Variants in FAIM observed in about 807,000 individuals in gnomAD.
FAIM encodes the protein fas apoptotic inhibitory molecule 1.
In FAIM, 14 loss-of-function variants were observed where a neutral mutation model predicts 21.2. The ratio of observed to expected loss-of-function variants is 0.66; its 90% confidence interval spans 0.44 to 1.03. The LOEUF is 1.03. FAIM is among the 50% of genes least tolerant of loss of function. The pLI, the probability that FAIM is intolerant of heterozygous loss-of-function variation, is 0.00. For missense variants in FAIM, 222 were observed against 247.1 expected, an observed-to-expected ratio of 0.90 and a Z score of 0.68; for synonymous variants, 86 against 80.4, an observed-to-expected ratio of 1.07 and a Z score of -0.37.
At chr3:138,611,932 C>A (rs2108332428) in intron 1 of FAIM, among the ~76,000 whole-genome samples, 1 of 152,258 alleles carries the variant, frequency 6.6e-6, no homozygotes, top group South Asian at 2.1e-4. Flanking sequence ...ATAAATTATG[C>A]AACCTCGGGT....
At chr3:138,626,921 T>C (rs1163051965) in intron 4 of FAIM, among the ~76,000 whole-genome samples, 2 of 152,194 alleles carry the variant, frequency 1.3e-5, no homozygotes, top group Admixed American at 6.5e-5. Context: ...GTTGTTTTTG[T>C]CTTTTTCATA....
Position 138,621,387 on chromosome 3 carries a change from G to T in FAIM, c.45-20G>T. The T allele has an allele frequency of 6.2e-7, 1 of 1,611,234 alleles. No homozygotes were observed. Among genetic ancestry groups the T allele is most frequent in the South Asian group, 1.1e-5 (1 of 90,628 alleles). ...ATTAGTATTTTGGCCTACTATAATTGCTTTATTTTATTCCTTTAGCCCTCC... is the reference window on the plus strand; with the variant it reads ...ATTAGTATTTTGGCCTACTATAATTTCTTTATTTTATTCCTTTAGCCCTCC... On this transcript the variant is annotated intron_variant, in intron 2 of 5. Transcript: ENST00000360570.
At chr3:138,612,772 A>G (rs67390774) in intron 1 of FAIM, among the ~76,000 whole-genome samples, 6,454 of 152,244 alleles carry the variant, frequency 0.042, 460 homozygotes, top group East Asian at 0.37. Context: ...TTGTATGACA[A>G]CTTCACCATT....
At chr3:138,629,318 C>T (rs2042977340) in intron 5 of FAIM, 162 bp downstream of exon 5, 6 of 536,958 alleles carry the variant, frequency 1.1e-5, no homozygotes, top group Admixed American at 3.7e-5. Context: ...AAAACCTTTG[C>T]CAGATGGTGC....
At position 138,615,595 on chromosome 3, in the gene FAIM, C is replaced by T. The variant is rs1206366753; in HGVS notation, c.-16-4116C>T. On this transcript the variant is annotated intron_variant, in intron 1 of 5. Transcript: ENST00000360570. ...TTCATGTTTACTTCCTTTCAGACCT[C>T]TAACCTAAATCTCTATTTTATTTCA... 7.9e-5 allele frequency among the ~76,000 whole-genome samples: 12 copies of T among 152,270 alleles called. No individual in the cohort carries two copies. In the East Asian group the frequency reaches 2.1e-3, roughly 27 times the overall value.
At chr3:138,610,085 T>C (rs2042751475) in intron 1 of FAIM, among the ~76,000 whole-genome samples, 1 of 152,192 alleles carries the variant, frequency 6.6e-6, no homozygotes, top group South Asian at 2.1e-4. Context: ...CATTATTGGC[T>C]GGCCCTACCT....
chr3:138,609,577 G>T (rs1003175130), intron 1 of FAIM, among the ~76,000 whole-genome samples: 1 of 3,310 alleles, frequency 3.0e-4, no homozygotes. Flanking sequence ...TCTCTCTCTC[G>T]ACTCTCTCTC....
At chr3:138,611,147 T>A (rs1257055437) in intron 1 of FAIM, 13 of 873,092 alleles carry the variant, frequency 1.5e-5, no homozygotes, top group Non-Finnish European at 2.2e-5. Flanking sequence ...AACTTAGAGA[T>A]CTATGTGACA....
intron 4 of FAIM, among the ~76,000 whole-genome samples, chr3:138,625,685 T>C (rs1232802988): frequency 6.6e-6 from 1 of 152,146 alleles, no homozygotes; most frequent in Non-Finnish European, 1.5e-5. Context: ...TATGATTTAC[T>C]AAGGTCATAT....
At chr3:138,617,020 C>T (rs1439642222) in intron 1 of FAIM, among the ~76,000 whole-genome samples, 1 of 151,730 alleles carries the variant, frequency 6.6e-6, no homozygotes, top group East Asian at 1.9e-4. Context: ...TTAAGTAGTC[C>T]TTAAATAATT....
intron 3 of FAIM, 25 bp from the exon 4 acceptor site, chr3:138,622,163 C>T (rs1434793674): frequency 6.6e-7 from 1 of 1,523,972 alleles, no homozygotes; most frequent in African/African-American, 1.4e-5. Context: ...CCATTTGTTT[C>T]ATATTTTTCT....
chr3:138,633,099 G>A lies in FAIM; in HGVS notation c.*20G>A, dbSNP rs2043024692. 6.2e-7 allele frequency: 1 copy of A among 1,609,310 alleles called. No homozygotes were observed. Among genetic ancestry groups the A allele is most frequent in the Non-Finnish European group, 8.5e-7 (1 of 1,176,886 alleles). On this transcript the variant is annotated 3_prime_UTR_variant, in exon 6 of 6. Coordinates refer to ENST00000360570, the MANE Select transcript of FAIM (RefSeq NM_001033031.2). Reference sequence around the variant, plus strand: ...AGTTAATGAATTTTCATCTTAAGAAGTAAAGATCAGGACTTTTTAATTACT... The same window carrying A: ...AGTTAATGAATTTTCATCTTAAGAAATAAAGATCAGGACTTTTTAATTACT...
rs1407728733 is a variant in FAIM, at chr3:138,633,308, A to C, written c.*229A>C. ...AATGTTTTAAAGACAAATGGCAAAT[A>C]AGATATGGACCAAAGTCACTAATGT... is the stretch of plus-strand genomic sequence containing the variant. On this transcript the variant is annotated 3_prime_UTR_variant, in exon 6 of 6. Coordinates refer to ENST00000360570, the MANE Select transcript of FAIM (RefSeq NM_001033031.2). 1 of 310,436 alleles carries C rather than the reference A, an allele frequency of 3.2e-6. No homozygotes were observed. The highest frequency in any genetic ancestry group is 4.8e-5 in the Admixed American group (1 of 20,956). 19.2% of individuals were successfully genotyped at this position (310,436 alleles called of 1,614,324 possible). A position where few individuals can be genotyped will look rare whatever the true frequency, so the allele number is the denominator to read the frequency against.
intron 2 of FAIM, among the ~76,000 whole-genome samples, chr3:138,620,323 G>A (rs2042870643): frequency 6.6e-6 from 1 of 152,072 alleles, no homozygotes; most frequent in Non-Finnish European, 1.5e-5. Flanking sequence ...CTTAATAGCT[G>A]TTAGCTATGA....
At chr3:138,623,706 G>A (rs1443205428) in intron 4 of FAIM, among the ~76,000 whole-genome samples, 1 of 152,088 alleles carries the variant, frequency 6.6e-6, no homozygotes, top group Non-Finnish European at 1.5e-5. Flanking sequence ...TTGGAAGTCT[G>A]TTGCCCTCCT....
intron 4 of FAIM, among the ~76,000 whole-genome samples, chr3:138,627,870 CT>C (rs1170217948): frequency 6.6e-6 from 1 of 152,180 alleles, no homozygotes; most frequent in Non-Finnish European, 1.5e-5. Context: ...AAAGAACCCC[CT>C]TTAGACTGTG....
At position 138,629,093 on chromosome 3, in the gene FAIM, T is replaced by G; in HGVS notation, c.407-14T>G. On this transcript the variant is annotated splice_polypyrimidine_tract_variant and intron_variant, in intron 4 of 5. Coordinates refer to ENST00000360570, the MANE Select transcript of FAIM (RefSeq NM_001033031.2). ...ACAGAATTATAACTTAAAGTTTTTA[T>G]GTTACCTTTACAGAAAAAGATGCTA... The G allele has an allele frequency of 5.7e-6, 9 of 1,588,990 alleles. No individual in the cohort carries two copies. Among genetic ancestry groups the G allele is most frequent in the Non-Finnish European group, 7.7e-6 (9 of 1,166,420 alleles).
At chr3:138,632,533 C>T (rs530963609) in intron 5 of FAIM, among the ~76,000 whole-genome samples, 6 of 152,260 alleles carry the variant, frequency 3.9e-5, no homozygotes, top group African/African-American at 1.4e-4. Flanking sequence ...GCTAAGAACA[C>T]TCCATCCCTG....
intron 1 of FAIM, among the ~76,000 whole-genome samples, chr3:138,611,243 C>A (rs1417348546): frequency 6.6e-6 from 1 of 151,790 alleles, no homozygotes; most frequent in Non-Finnish European, 1.5e-5. Flanking sequence ...CCAAGAAACA[C>A]TACAGCCAGG....
Sources: allele counts gnomAD v4.1 joint callset (sites outside exome capture counted in the v4.1 genomes callset), GRCh38; gene constraint gnomAD v4.1.1; transcripts MANE v1.5; gene names NCBI Gene and HGNC (gene_info 2026-07-23, HGNC 2026-07-21).